The following MAP2K1 variants were observed in gnomAD, a reference collection of about 807,000 sequenced individuals.
MAP2K1 encodes dual specificity mitogen-activated protein kinase kinase 1.
A neutral mutation model predicts 46.3 loss-of-function variants in MAP2K1; 16 were observed. That is an observed-to-expected ratio of 0.35 (90% confidence interval 0.23 to 0.52). MAP2K1 has a LOEUF of 0.52. Ranked by LOEUF, MAP2K1 falls within the 20% of genes least tolerant of loss-of-function variation. The pLI is 0.94. For synonymous variants in MAP2K1, 183 were observed against 185.6 expected (o/e 0.99, Z 0.11); for missense variants, 263 against 497.1 (o/e 0.53, Z 4.48).
At chr15:66,482,500 A>G (rs748044801) in intron 6 of MAP2K1, among the ~76,000 whole-genome samples, 1 of 152,150 alleles carries the variant, frequency 6.6e-6, no homozygotes, top group Non-Finnish European at 1.5e-5. Flanking sequence ...ACTTCAGCCA[A>G]CACCCTGTGT....
intron 1 of MAP2K1, among the ~76,000 whole-genome samples, chr15:66,423,968 G>A (rs948444011): frequency 7.9e-5 from 12 of 151,954 alleles, no homozygotes; most frequent in African/African-American, 2.9e-4. Context: ...AGCCAGGCTG[G>A]TCTGGAACTC....
intron 10 of MAP2K1, 163 bp downstream of exon 10, chr15:66,489,926 C>A: frequency 1.4e-6 from 1 of 735,174 alleles, no homozygotes; most frequent in Non-Finnish European, 2.4e-6. Context: ...TTTGCTCTCC[C>A]ATCAGTTTAA....
chr15:66,422,287 A>G (rs1395305465), intron 1 of MAP2K1, among the ~76,000 whole-genome samples: 4 of 152,142 alleles, frequency 2.6e-5, no homozygotes, highest in Non-Finnish European at 5.9e-5. Context: ...GTGTTTGTCA[A>G]AATTTCTGAT....
chr15:66,461,987 T>C (rs374342015), intron 5 of MAP2K1, among the ~76,000 whole-genome samples: 7 of 152,212 alleles, frequency 4.6e-5, no homozygotes, highest in African/African-American at 7.2e-5. Flanking sequence ...ATTAAAGTTA[T>C]GGCATTTAAA....
intron 5 of MAP2K1, among the ~76,000 whole-genome samples, chr15:66,449,003 C>CAAAAAAAAAAAAA (rs59398424): frequency 4.2e-5 from 2 of 47,946 alleles, no homozygotes; most frequent in Non-Finnish European, 7.1e-5. Context: ...GACACTGTCT[C>CAAAAAAAAAAAAA]AAAAAAAAAA....
At chr15:66,453,269 T>C (rs1420018850) in intron 5 of MAP2K1, among the ~76,000 whole-genome samples, 1 of 152,222 alleles carries the variant, frequency 6.6e-6, no homozygotes, top group East Asian at 1.9e-4. Context: ...TAGGGCTTTC[T>C]TTTTTGGCTT....
At chr15:66,388,550 A>G (rs770959764) in intron 1 of MAP2K1, among the ~76,000 whole-genome samples, 9 of 152,042 alleles carry the variant, frequency 5.9e-5, no homozygotes, top group Non-Finnish European at 1.0e-4. Context: ...AGAAAATTTT[A>G]TTTTTTAAAC....
intron 5 of MAP2K1, among the ~76,000 whole-genome samples, chr15:66,469,693 G>GACAGACACACACAC (rs1892567218): frequency 1.2e-5 from 1 of 84,876 alleles, no homozygotes; most frequent in Admixed American, 1.3e-4. Context: ...TCCTTTTAAA[G>GACAGACACACACAC]ACACACACAC....
chr15:66,432,397 G>A (rs1258490985), intron 1 of MAP2K1, among the ~76,000 whole-genome samples: 1 of 152,244 alleles, frequency 6.6e-6, no homozygotes, highest in East Asian at 1.9e-4. Context: ...TTTTCCTCCA[G>A]AAGGTGTAAG....
At chr15:66,429,219 G>A (rs1478683700) in intron 1 of MAP2K1, among the ~76,000 whole-genome samples, 1 of 152,180 alleles carries the variant, frequency 6.6e-6, no homozygotes, top group Non-Finnish European at 1.5e-5. Context: ...GGAGGCCTCA[G>A]TAAACATACA....
At chr15:66,398,126 T>C (rs949990594) in intron 1 of MAP2K1, among the ~76,000 whole-genome samples, 1 of 143,454 alleles carries the variant, frequency 7.0e-6, no homozygotes, top group Non-Finnish European at 1.5e-5. Flanking sequence ...AGTATAAGGG[T>C]GGGCATGGTG....
intron 5 of MAP2K1, among the ~76,000 whole-genome samples, chr15:66,457,570 A>G (rs1464784695): frequency 2.0e-5 from 3 of 152,230 alleles, no homozygotes; most frequent in Non-Finnish European, 4.4e-5. Context: ...AAAGCCAAAA[A>G]TATTTACTCT....
rs780334561 is a variant in MAP2K1 at position 66,487,192 on chromosome 15, T to G, written c.896-36T>G. On this transcript the variant is annotated intron_variant, in intron 7 of 10. Coordinates refer to ENST00000307102, the MANE Select transcript of MAP2K1 (RefSeq NM_002755.4). Reference sequence around the variant, plus strand: ...GCCTCATATTAACAAGTAATCTGTTTCTGAGAAGTATTTTTTCTTTTTATA... The same window carrying G: ...GCCTCATATTAACAAGTAATCTGTTGCTGAGAAGTATTTTTTCTTTTTATA... The G allele has an allele frequency of 1.4e-5, 22 of 1,582,032 alleles. No homozygotes were observed. The Middle Eastern group carries it at 6.7e-4, about 48-fold the overall frequency.
intron 1 of MAP2K1, among the ~76,000 whole-genome samples, chr15:66,410,005 A>T (rs531431556): frequency 1.3e-5 from 2 of 152,288 alleles, no homozygotes; most frequent in East Asian, 3.9e-4. Context: ...GGTGGAAAAG[A>T]TCTTGATAGT....
intron 3 of MAP2K1, 138 bp from the exon 4 acceptor site, chr15:66,443,142 A>G: frequency 2.0e-6 from 1 of 503,672 alleles, no homozygotes; most frequent in Non-Finnish European, 3.8e-6. Context: ...GGCTGAGTGC[A>G]GTGGTGTGAT....
intron 5 of MAP2K1, among the ~76,000 whole-genome samples, chr15:66,449,035 C>T (rs1297657825): frequency 8.7e-6 from 1 of 115,246 alleles, no homozygotes; most frequent in Non-Finnish European, 1.9e-5. Flanking sequence ...AAAACAACAA[C>T]AACCAAAAAC....
intron 1 of MAP2K1, chr15:66,401,844 G>C: frequency 1.7e-6 from 1 of 583,116 alleles, no homozygotes; most frequent in South Asian, 1.5e-5. Flanking sequence ...CACGGGATGA[G>C]CAACTTCACA....
intron 1 of MAP2K1, among the ~76,000 whole-genome samples, chr15:66,402,758 A>G (rs1454220905): frequency 6.6e-6 from 1 of 152,114 alleles, no homozygotes; most frequent in South Asian, 2.1e-4. Context: ...TAATCTATCT[A>G]GTAACGTTTT....
chr15:66,416,924 G>A (rs933896181), intron 1 of MAP2K1, among the ~76,000 whole-genome samples: 5 of 152,128 alleles, frequency 3.3e-5, no homozygotes, highest in Admixed American at 1.3e-4. Flanking sequence ...CCCCAAACAA[G>A]CTTTTCTCAT....
Sources: allele counts gnomAD v4.1 joint callset (sites outside exome capture counted in the v4.1 genomes callset), GRCh38; gene constraint gnomAD v4.1.1; transcripts MANE v1.5; gene names NCBI Gene and HGNC (gene_info 2026-07-23, HGNC 2026-07-21).